Variants in RAB11FIP4 observed in about 807,000 individuals in gnomAD.
The protein encoded by RAB11FIP4 is rab11 family-interacting protein 4.
A neutral mutation model predicts 74.3 loss-of-function variants in RAB11FIP4; 23 were observed. That is an observed-to-expected ratio of 0.31 (90% CI 0.22 to 0.44). RAB11FIP4 has a LOEUF of 0.44. Ranked by LOEUF, RAB11FIP4 falls within the 20% of genes least tolerant of loss-of-function variation. The probability of loss-of-function intolerance (pLI) is 1.00; values close to 1 mark genes in which losing one functional copy is unlikely to be tolerated. For synonymous variants in RAB11FIP4, 360 were observed against 359.9 expected, an observed-to-expected ratio of 1.00 and a Z score of 0.00; for missense variants, 630 against 863.9, an observed-to-expected ratio of 0.73 and a Z score of 3.39.
intron 4 of RAB11FIP4, among the ~76,000 whole-genome samples, chr17:31,518,960 G>C (rs1293218907): frequency 6.7e-6 from 1 of 149,242 alleles, no homozygotes; most frequent in Admixed American, 6.7e-5. Flanking sequence ...AGCCTCCCGA[G>C]TAGCTGGGAC....
At chr17:31,429,695 C>T (rs897073117) in intron 1 of RAB11FIP4, among the ~76,000 whole-genome samples, 8 of 152,052 alleles carry the variant, frequency 5.3e-5, no homozygotes, top group Non-Finnish European at 1.5e-5. Flanking sequence ...GGCATGTTGG[C>T]GGGCGCCTGT....
In RAB11FIP4 at chr17:31,474,878, A is replaced by C. The variant is rs1567668177; in HGVS notation, c.336+40756A>C. On this transcript the variant is annotated intron_variant, in intron 3 of 14. Transcript: ENST00000621161. The stretch of plus-strand genomic sequence containing the variant: ...AACAAAACAAAACAAAACAAAACAA[A>C]AAACAAAAAAAAAACAGAGATTCAC... Among the ~76,000 whole-genome samples the C allele has an allele frequency of 1.4e-3, 54 of 38,472 alleles. No homozygotes were observed. The East Asian group carries it at 0.051, about 36-fold the overall frequency. The allele number at this position is 38,472 out of a possible 152,430, so 25.2% of individuals were successfully genotyped here.
At position 31,531,867 on chromosome 17, in the gene RAB11FIP4, G is replaced by A. The variant is rs533979630; in HGVS notation, c.*135G>A. ...TGGCCACCATGCGTTACGTGTACCCGTGTATATGTGGGGAGGCTGTGCACA... is the reference window on the plus strand; with the variant it reads ...TGGCCACCATGCGTTACGTGTACCCATGTATATGTGGGGAGGCTGTGCACA... On this transcript the variant is annotated 3_prime_UTR_variant, in exon 15 of 15. Coordinates refer to ENST00000621161, the MANE Select transcript of RAB11FIP4 (RefSeq NM_032932.6). 9.0e-5 allele frequency: 61 copies of A among 675,202 alleles called. 1 individual carries two copies. The East Asian group carries it at 9.6e-4, about 11-fold the overall frequency. The allele number at this position is 675,202 out of a possible 1,614,324, so 41.8% of individuals were successfully genotyped here.
chr17:31,421,795 G>A (rs1174866908), intron 1 of RAB11FIP4, among the ~76,000 whole-genome samples: 4 of 151,996 alleles, frequency 2.6e-5, no homozygotes, highest in African/African-American at 9.6e-5. Context: ...CTGACCTCAG[G>A]TGATCCACCT....
rs547566686 is a variant in RAB11FIP4, at chr17:31,446,454, C to A, written c.336+12332C>A. 2.3e-4 allele frequency among the ~76,000 whole-genome samples: 35 copies of A among 152,190 alleles called. 1 individual carries two copies. The South Asian group carries it at 6.0e-3, about 26-fold the overall frequency. Reference sequence around the variant, plus strand: ...GTACTTTCTGGCTCCAGGAACACGCCATGGGCCATTGAACGTCTGTGCGAT... The same window carrying A: ...GTACTTTCTGGCTCCAGGAACACGCAATGGGCCATTGAACGTCTGTGCGAT... On this transcript the variant is annotated intron_variant, in intron 3 of 14. Coordinates refer to ENST00000621161, the MANE Select transcript of RAB11FIP4 (RefSeq NM_032932.6).
intron 1 of RAB11FIP4, 27 bp downstream of exon 1, chr17:31,392,038 C>A (rs2070876814): frequency 8.0e-7 from 1 of 1,252,410 alleles, no homozygotes; most frequent in Non-Finnish European, 1.0e-6. Flanking sequence ...CCAGTCCCGG[C>A]CCGGGGACCC....
chr17:31,417,911 C>T (rs1818307193), intron 1 of RAB11FIP4, among the ~76,000 whole-genome samples: 1 of 152,064 alleles, frequency 6.6e-6, no homozygotes, highest in Non-Finnish European at 1.5e-5. Flanking sequence ...CCAACCTGGG[C>T]AACATAATGA....
At chr17:31,474,860 CAAAACAAAACAAAACAAAAA>C (rs1436313633) in intron 3 of RAB11FIP4, among the ~76,000 whole-genome samples, 14 of 101,210 alleles carry the variant, frequency 1.4e-4, no homozygotes, top group Non-Finnish European at 2.4e-4. Flanking sequence ...CAAAACAAAA[CAAAACAAAACAAAACAAAAA>C]ACAAAAAAAA....
intron 3 of RAB11FIP4, among the ~76,000 whole-genome samples, chr17:31,446,298 A>T (rs2071463152): frequency 6.6e-6 from 1 of 152,132 alleles, no homozygotes. Flanking sequence ...CCCAGCTGAA[A>T]CATGATCTAA....
chr17:31,505,877 CTT>C (rs78513216), intron 3 of RAB11FIP4, among the ~76,000 whole-genome samples: 8 of 135,952 alleles, frequency 5.9e-5, no homozygotes, highest in Admixed American at 7.6e-5. Context: ...TTCTTTTTTA[CTT>C]TTTTTTTTTT....
At position 31,534,083 on chromosome 17, in the gene RAB11FIP4, C is replaced by A. The variant is rs1481020937; in HGVS notation, c.*2351C>A. On this transcript the variant is annotated 3_prime_UTR_variant, in exon 15 of 15. Transcript: ENST00000621161. ...AGATGCCCCAGGTGTCCCAGCTCCA[C>A]AGCCCCTGGCAGATCCCAGACCCCT... 1 of 152,256 alleles carries A rather than the reference C, an allele frequency of 6.6e-6. No individual in the cohort carries two copies. The highest frequency in any genetic ancestry group is 1.5e-5 in the Non-Finnish European group (1 of 68,066). The allele number at this position is 152,256 out of a possible 1,614,324, so 9.4% of individuals were successfully genotyped here. A position where few individuals can be genotyped will look rare whatever the true frequency, so the allele number is the denominator to read the frequency against.
intron 3 of RAB11FIP4, among the ~76,000 whole-genome samples, chr17:31,445,384 C>T (rs565468769): frequency 9.3e-5 from 14 of 151,290 alleles, no homozygotes; most frequent in Non-Finnish European, 1.8e-4. Flanking sequence ...AAGTTAGTTG[C>T]GGACATGACA....
chr17:31,442,007 T>G (rs1267775542), intron 3 of RAB11FIP4, among the ~76,000 whole-genome samples: 1 of 151,936 alleles, frequency 6.6e-6, no homozygotes, highest in African/African-American at 2.4e-5. Context: ...TATACACTTT[T>G]TTTTTTTTTG....
intron 3 of RAB11FIP4, among the ~76,000 whole-genome samples, chr17:31,494,292 C>T (rs62063884): frequency 0.017 from 2,508 of 150,882 alleles, 22 homozygotes; most frequent in Non-Finnish European, 0.025. Context: ...ACCTGTAAAA[C>T]GAGGATGAGG....
intron 3 of RAB11FIP4, among the ~76,000 whole-genome samples, chr17:31,505,448 T>C (rs1299924072): frequency 1.3e-5 from 1 of 79,994 alleles, no homozygotes; most frequent in African/African-American, 5.7e-5. Flanking sequence ...ATATAATATA[T>C]AATAATTATT....
At position 31,475,616 on chromosome 17, in the gene RAB11FIP4, G is replaced by A. The variant is rs370268423; in HGVS notation, c.336+41494G>A. ...ATTTGTAACACCAAAATCAATACTCGCAGAGCCTTTGTGATCATTTGCAAA... is the reference window on the plus strand; with the variant it reads ...ATTTGTAACACCAAAATCAATACTCACAGAGCCTTTGTGATCATTTGCAAA... On this transcript the variant is annotated intron_variant, in intron 3 of 14. Coordinates refer to ENST00000621161, the MANE Select transcript of RAB11FIP4 (RefSeq NM_032932.6). Among the ~76,000 whole-genome samples the A allele has an allele frequency of 1.7e-4, 26 of 151,980 alleles. No individual in the cohort carries two copies. The East Asian group carries it at 2.9e-3, about 17-fold the overall frequency.
At position 31,527,574 on chromosome 17, in the gene RAB11FIP4, A is replaced by C. The variant is rs2072788291; in HGVS notation, c.1275-268A>C. 6 of 371,382 alleles carry C rather than the reference A, an allele frequency of 1.6e-5. No homozygotes were observed. In the South Asian group the frequency reaches 3.0e-4, roughly 19 times the overall value. 23.0% of individuals were successfully genotyped at this position (371,382 alleles called of 1,614,324 possible). ...GTGCCACCTCACTCCAGCCTGGGCAACAGAGCAGGACTCTGTCTCAAAAAA... is the reference window on the plus strand; with the variant it reads ...GTGCCACCTCACTCCAGCCTGGGCACCAGAGCAGGACTCTGTCTCAAAAAA... On this transcript the variant is annotated intron_variant, in intron 10 of 14. Coordinates refer to ENST00000621161, the MANE Select transcript of RAB11FIP4 (RefSeq NM_032932.6).
intron 1 of RAB11FIP4, among the ~76,000 whole-genome samples, chr17:31,420,446 T>C (rs919012564): frequency 1.3e-5 from 2 of 151,862 alleles, no homozygotes; most frequent in Non-Finnish European, 2.9e-5. Flanking sequence ...TTGCCCAGGC[T>C]GATCTTGAAT....
rs546901000 is a variant in RAB11FIP4 at position 31,431,766 on chromosome 17, G to A, written c.160-47G>A. The A allele has an allele frequency of 5.5e-5, 70 of 1,281,194 alleles. No individual in the cohort carries two copies. The Admixed American group carries it at 6.8e-4, about 12-fold the overall frequency. 79.4% of individuals were successfully genotyped at this position (1,281,194 alleles called of 1,614,324 possible). A position where few individuals can be genotyped will look rare whatever the true frequency, so the allele number is the denominator to read the frequency against. ...TCCCCACCCAGCTCCCTGAGTCTTC[G>A]GGAGATCCTTGGGTGTCTCACACCT... On this transcript the variant is annotated intron_variant, in intron 1 of 14. Transcript: ENST00000621161.
Sources: allele counts gnomAD v4.1 joint callset (sites outside exome capture counted in the v4.1 genomes callset), GRCh38; gene constraint gnomAD v4.1.1; transcripts MANE v1.5; gene names NCBI Gene and HGNC (gene_info 2026-07-23, HGNC 2026-07-21).